TMIGD2: variants seen among roughly 807,000 people sequenced by gnomAD.
TMIGD2 encodes the protein transmembrane and immunoglobulin domain-containing protein 2.
Under a neutral mutation model 22.6 loss-of-function variants are expected in TMIGD2, and 18 were observed. The ratio of observed to expected loss-of-function variants is 0.80; its 90% CI spans 0.55 to 1.18. The LOEUF (loss-of-function observed/expected upper bound fraction) is 1.18, where lower values mean the gene tolerates loss of function less well. Ranked by LOEUF, TMIGD2 falls within the 50% of genes most tolerant of loss-of-function variation. TMIGD2 has a pLI of 0.00. For missense variants in TMIGD2, 361 were observed against 378.2 expected, an observed-to-expected ratio of 0.95 and a Z score of 0.38; for synonymous variants, 184 against 154.1, an observed-to-expected ratio of 1.19 and a Z score of -1.44.
chr19:4,293,136 T>TC (rs1458724283), intron 4 of TMIGD2, among the ~76,000 whole-genome samples: 3 of 151,998 alleles, frequency 2.0e-5, no homozygotes, highest in African/African-American at 7.2e-5. Flanking sequence ...GCTGATTTTT[T>TC]GTATTTTTAG....
chr19:4,301,898 T>C (rs548780194), intron 1 of TMIGD2, among the ~76,000 whole-genome samples: 3 of 151,530 alleles, frequency 2.0e-5, no homozygotes, highest in Non-Finnish European at 2.9e-5. Context: ...CCCGGAGAAG[T>C]TGAGGTTATG....
chr19:4,294,457 T>G (rs916162063), intron 4 of TMIGD2, 122 bp downstream of exon 4: 1 of 915,718 alleles, frequency 1.1e-6, no homozygotes, highest in Non-Finnish European at 1.7e-6. Context: ...GGAGCCAGGC[T>G]TCTCCTCCCT....
rs1392852908 is a variant in TMIGD2, at chr19:4,302,340, C to T, written c.46G>A (p.Ala16Thr). ...AGGGGAGGGAGGCCCAGATACTCAC[C>T]CCAGATCTGCACCAGGAGGCCCAGC... The change falls in exon 1 of 5, where the codon GCC (alanine) becomes ACC (threonine). Residue 16 changes from alanine (A) to threonine (T), a missense_variant and splice_region_variant. By Grantham distance (58) the Ala-to-Thr change is moderately conservative. Coordinates refer to ENST00000301272, the Ensembl canonical transcript of TMIGD2. 17 of 1,574,304 alleles carry T rather than the reference C, an allele frequency of 1.1e-5. No homozygotes were observed. In the East Asian group the frequency reaches 3.8e-4, roughly 35 times the overall value.
chr19:4,296,069 CCA>C (rs1971458213), intron 2 of TMIGD2, among the ~76,000 whole-genome samples: 3 of 152,216 alleles, frequency 2.0e-5, no homozygotes, highest in African/African-American at 7.2e-5. Context: ...TGGGTATATG[CCA>C]CCATGCCTGG....
rs187528701 is a variant in TMIGD2, at chr19:4,295,545, G to A, written c.407-729C>T. 3.7e-3 allele frequency among the ~76,000 whole-genome samples: 563 copies of A among 151,964 alleles called. 4 individuals are homozygous for A. Among genetic ancestry groups the A allele is most frequent in the African/African-American group, 0.013 (533 of 41,430 alleles). ...ACTGCACTCCAGCCTGGGCGACAGA[G>A]CGAGACTGTCTCGAAAAAAAAAAAG... On this transcript the variant is annotated intron_variant, in intron 2 of 4. Transcript: ENST00000301272.
chr19:4,297,956 G>T, intron 2 of TMIGD2, 30 bp downstream of exon 2: 1 of 1,529,134 alleles, frequency 6.5e-7, no homozygotes. Context: ...CCTCCCCACT[G>T]CCCCTCCCTC....
chr19:4,298,346 C>A lies in TMIGD2; in HGVS notation c.47-1G>T, dbSNP rs1555729145. On this transcript the variant is annotated splice_acceptor_variant, in intron 1 of 4. Transcript: ENST00000301272. LOFTEE classifies it high-confidence loss of function. Reference sequence around the variant, plus strand: ...CTCAGGCTTGAGGCTTCTTGCAGGGCTGGAGGACAGAAGAGGTAGAGGCGA... The same window carrying A: ...CTCAGGCTTGAGGCTTCTTGCAGGGATGGAGGACAGAAGAGGTAGAGGCGA... The A allele has an allele frequency of 6.4e-7, 1 of 1,565,770 alleles. No homozygotes were observed. Among genetic ancestry groups the A allele is most frequent in the Non-Finnish European group, 8.6e-7 (1 of 1,159,970 alleles).
At chr19:4,294,657 C>A (rs747555223) in exon 4 of TMIGD2, 5 of 1,595,462 alleles carry the variant, frequency 3.1e-6, no homozygotes, top group Non-Finnish European at 3.4e-6. Context: ...ATGCTTCCCA[C>A]CCCCAGCAGC....
chr19:4,292,273 G>C (rs1009627896), exon 5 of TMIGD2: 3 of 323,884 alleles, frequency 9.3e-6, no homozygotes, highest in Admixed American at 1.0e-4. Context: ...GGGGAAAGTG[G>C]GAGCGAGATC....
chr19:4,294,348 C>A (rs1971428580), intron 4 of TMIGD2, among the ~76,000 whole-genome samples: 2 of 152,162 alleles, frequency 1.3e-5, no homozygotes, highest in Admixed American at 1.3e-4. Context: ...AGCCACCGCG[C>A]CCAGCAATTT....
rs1407632296 is a variant in TMIGD2 at position 4,297,871 on chromosome 19, A to G, written c.406+115T>C. ...GACTCTGTCTCTTAAAAAAAAAAAA[A>G]AAAGTTTGATATGAAGAATTTAGAG... On this transcript the variant is annotated intron_variant, in intron 2 of 4. Transcript: ENST00000301272. The G allele has an allele frequency of 2.9e-6, 4 of 1,370,610 alleles. No individual in the cohort carries two copies. The East Asian group carries it at 1.0e-4, about 35-fold the overall frequency. The allele number at this position is 1,370,610 out of a possible 1,614,324, so 84.9% of individuals were successfully genotyped here. A position where few individuals can be genotyped will look rare whatever the true frequency, so the allele number is the denominator to read the frequency against.
At position 4,294,822 on chromosome 19, in the gene TMIGD2, G is replaced by A. The variant is rs1251460597; in HGVS notation, c.407-6C>T. 2.6e-6 allele frequency: 4 copies of A among 1,567,170 alleles called. No homozygotes were observed. The highest frequency in any genetic ancestry group is 3.5e-6 in the Non-Finnish European group (4 of 1,158,048). ...TCTGTTCTGTGTGGGGTCATCTGCA[G>A]AGAAGAAATCTATGTCACGGGGGTG... On this transcript the variant is annotated splice_region_variant and splice_polypyrimidine_tract_variant and intron_variant, in intron 2 of 4. Coordinates refer to ENST00000301272, the Ensembl canonical transcript of TMIGD2.
chr19:4,302,286 C>T, intron 1 of TMIGD2, 54 bp downstream of exon 1: 1 of 1,531,912 alleles, frequency 6.5e-7, no homozygotes, highest in Non-Finnish European at 8.8e-7. Context: ...GGGCAGGCAG[C>T]TGGGGATGAC....
At chr19:4,296,688 A>G (rs1017990581) in intron 2 of TMIGD2, among the ~76,000 whole-genome samples, 3 of 144,264 alleles carry the variant, frequency 2.1e-5, no homozygotes, top group African/African-American at 7.5e-5. Context: ...GCCATAACAC[A>G]CCCCTCCCTT....
chr19:4,297,789 A>C (rs1971480101), intron 2 of TMIGD2, among the ~76,000 whole-genome samples, 197 bp downstream of exon 2: 1 of 149,980 alleles, frequency 6.7e-6, no homozygotes, highest in African/African-American at 2.5e-5. Flanking sequence ...TAGGAGGCGG[A>C]GGTTGCAGTG....
exon 5 of TMIGD2, chr19:4,292,278 G>A (rs965278835): frequency 1.8e-5 from 6 of 331,208 alleles, no homozygotes; most frequent in African/African-American, 6.8e-5. Flanking sequence ...AAGTGGGAGC[G>A]AGATCCATCA....
intron 1 of TMIGD2, among the ~76,000 whole-genome samples, chr19:4,300,148 C>T (rs1489006663): frequency 1.3e-5 from 2 of 151,992 alleles, no homozygotes; most frequent in East Asian, 3.9e-4. Flanking sequence ...GTAATCCCAG[C>T]TACTTGGGAG....
intron 2 of TMIGD2, 41 bp from the exon 3 acceptor site, chr19:4,294,857 TC>T: frequency 2.0e-6 from 3 of 1,529,772 alleles, no homozygotes; most frequent in Non-Finnish European, 2.6e-6. Context: ...GCCAGGCTTC[TC>T]CACCCTCCAA....
chr19:4,298,817 C>G (rs1971498140), intron 1 of TMIGD2, among the ~76,000 whole-genome samples: 1 of 152,086 alleles, frequency 6.6e-6, no homozygotes, highest in South Asian at 2.1e-4. Context: ...TGAGGCTCAA[C>G]AACCCCATCT....
Sources: gnomAD v4.1 joint callset for allele counts (sites outside exome capture counted in the v4.1 genomes callset) on GRCh38, gnomAD v4.1.1 for gene constraint, MANE v1.5 for transcripts, NCBI Gene and HGNC (gene_info 2026-07-23, HGNC 2026-07-21) for gene names.